The following LIN7A variants were observed in gnomAD, a reference collection of about 807,000 sequenced individuals.
LIN7A encodes protein lin-7 homolog A.
Under a neutral mutation model 29.8 loss-of-function variants are expected in LIN7A, and 25 were observed. That is an observed-to-expected ratio of 0.84 (90% CI 0.61 to 1.17). The LOEUF (loss-of-function observed/expected upper bound fraction) is 1.17. Among genes scored for constraint, LIN7A ranks in the 50% most tolerant of loss-of-function variants. The pLI, the probability that LIN7A is intolerant of heterozygous loss-of-function variation, is 0.00. For missense variants in LIN7A, 239 were observed against 287.0 expected (o/e 0.83, Z 1.21); for synonymous variants, 118 against 107.5 (o/e 1.10, Z -0.60).
chr12:80,904,484 C>T (rs777801891), intron 1 of LIN7A, among the ~76,000 whole-genome samples: 2 of 151,980 alleles, frequency 1.3e-5, no homozygotes, highest in Non-Finnish European at 2.9e-5. Context: ...CATGATAGTC[C>T]CTGTTACTAT....
At chr12:80,799,490 A>G (rs1456698183) in intron 5 of LIN7A, among the ~76,000 whole-genome samples, 1 of 152,212 alleles carries the variant, frequency 6.6e-6, no homozygotes, top group Admixed American at 6.5e-5. Context: ...TAAGAAGCCT[A>G]TGTTAAAATA....
chr12:80,935,788 G>T, intron 1 of LIN7A: 1 of 509,624 alleles, frequency 2.0e-6, no homozygotes, highest in Non-Finnish European at 4.2e-6. Context: ...CTGCATGTAC[G>T]TAATTACACT....
At chr12:80,843,398 G>T (rs1035067664) in intron 4 of LIN7A, among the ~76,000 whole-genome samples, 5 of 152,124 alleles carry the variant, frequency 3.3e-5, no homozygotes, top group African/African-American at 1.2e-4. Flanking sequence ...CTAAGGTTAT[G>T]ATTAGAACAC....
In LIN7A at chr12:80,796,163, A is replaced by G. The variant is rs1870440104; in HGVS notation, c.*1564T>C. 1 of 152,130 alleles carries G rather than the reference A, an allele frequency of 6.6e-6. No individual in the cohort carries two copies. 9.4% of individuals were successfully genotyped at this position (152,130 alleles called of 1,614,324 possible). A position where few individuals can be genotyped will look rare whatever the true frequency, so the allele number is the denominator to read the frequency against. ...TCTAAACTGAGCTTCATACATTTCT[A>G]TTTTGGGGGATTATCTGAAGTGTCA... On this transcript the variant is annotated 3_prime_UTR_variant, in exon 6 of 6. Coordinates refer to ENST00000552864, the MANE Select transcript of LIN7A (RefSeq NM_004664.4).
chr12:80,928,621 ATT>A (rs1335194769), intron 1 of LIN7A, among the ~76,000 whole-genome samples: 1 of 151,758 alleles, frequency 6.6e-6, no homozygotes, highest in Non-Finnish European at 1.5e-5. Flanking sequence ...GATTGCAAAA[ATT>A]TTCTCCCATT....
At chr12:80,907,600 C>A (rs978260780) in intron 1 of LIN7A, among the ~76,000 whole-genome samples, 2 of 152,062 alleles carry the variant, frequency 1.3e-5, no homozygotes, top group African/African-American at 4.8e-5. Context: ...AGAATAAATG[C>A]TCTGCCTAAA....
At chr12:80,880,788 GACACAC>G (rs150440166) in intron 2 of LIN7A, among the ~76,000 whole-genome samples, 1 of 122,444 alleles carries the variant, frequency 8.2e-6, no homozygotes, top group Non-Finnish European at 1.9e-5. Context: ...CACACACACA[GACACAC>G]ACACACACAT....
At chr12:80,932,320 A>G (rs1297296161) in intron 1 of LIN7A, among the ~76,000 whole-genome samples, 1 of 152,252 alleles carries the variant, frequency 6.6e-6, no homozygotes, top group East Asian at 1.9e-4. Context: ...TTGGTTTTAT[A>G]GCAGATTTTT....
At chr12:80,923,960 A>G (rs568668466) in intron 1 of LIN7A, among the ~76,000 whole-genome samples, 1 of 152,340 alleles carries the variant, frequency 6.6e-6, no homozygotes, top group African/African-American at 2.4e-5. Context: ...TTATAAGTTT[A>G]TTGTGAAGAT....
chr12:80,898,453 C>T (rs989805093), intron 1 of LIN7A, among the ~76,000 whole-genome samples: 1 of 151,790 alleles, frequency 6.6e-6, no homozygotes, highest in African/African-American at 2.4e-5. Context: ...TTTAGCATTG[C>T]CTTGGCTATT....
At chr12:80,877,643 G>C (rs147623497) in intron 2 of LIN7A, among the ~76,000 whole-genome samples, 108 of 152,200 alleles carry the variant, frequency 7.1e-4, no homozygotes, top group African/African-American at 2.5e-3. Context: ...GAAAGGAAGA[G>C]AGTAAGCTAG....
intron 2 of LIN7A, among the ~76,000 whole-genome samples, chr12:80,880,514 T>C (rs962065528): frequency 1.3e-5 from 2 of 152,226 alleles, no homozygotes; most frequent in Non-Finnish European, 2.9e-5. Context: ...TGTGAAATTA[T>C]TTTAACAGAG....
chr12:80,814,230 A>T (rs1565887160), intron 4 of LIN7A, among the ~76,000 whole-genome samples: 1 of 152,174 alleles, frequency 6.6e-6, no homozygotes, highest in East Asian at 1.9e-4. Flanking sequence ...ACATGAAAGG[A>T]AGGTAAACTT....
Position 80,797,161 on chromosome 12 carries a change from C to T in LIN7A, c.*566G>A, listed in dbSNP as rs1264679932. On this transcript the variant is annotated 3_prime_UTR_variant, in exon 6 of 6. Coordinates refer to ENST00000552864, the MANE Select transcript of LIN7A (RefSeq NM_004664.4). ...AAGAAAAAGCCGATTGCTTCTAGAA[C>T]CTGAAGAAAATATAAATATAGTATG... 2 of 151,904 alleles carry T rather than the reference C, an allele frequency of 1.3e-5. No homozygotes were observed. Among genetic ancestry groups the T allele is most frequent in the Non-Finnish European group, 2.9e-5 (2 of 67,976 alleles). The allele number at this position is 151,904 out of a possible 1,614,324, so 9.4% of individuals were successfully genotyped here.
In LIN7A at chr12:80,877,121, CA is replaced by C. The variant is rs55779514; in HGVS notation, c.201+12129del. Among the ~76,000 whole-genome samples the C allele has an allele frequency of 1.6e-3, 168 of 106,496 alleles. 1 individual carries two copies. The highest frequency in any genetic ancestry group is 0.011 in the Middle Eastern group (2 of 186). The allele number at this position is 106,496 out of a possible 152,430, so 69.9% of individuals were successfully genotyped here. ...TAGCCAACAGAGAGAGACTCTGTCT[CA>C]AAAAAAAAAAAAAAAAGTTAAATAT... On this transcript the variant is annotated intron_variant, in intron 2 of 5. Coordinates refer to ENST00000552864, the MANE Select transcript of LIN7A (RefSeq NM_004664.4).
intron 5 of LIN7A, among the ~76,000 whole-genome samples, chr12:80,809,099 C>T (rs1871171822): frequency 6.6e-6 from 1 of 151,946 alleles, no homozygotes; most frequent in South Asian, 2.1e-4. Flanking sequence ...AATTCTCCTG[C>T]CTCAGCCTCC....
intron 2 of LIN7A, among the ~76,000 whole-genome samples, chr12:80,876,029 G>T (rs1021844654): frequency 6.6e-6 from 1 of 151,274 alleles, no homozygotes; most frequent in Non-Finnish European, 1.5e-5. Flanking sequence ...TTATCCGTGA[G>T]TTCCTTGGTT....
intron 2 of LIN7A, among the ~76,000 whole-genome samples, chr12:80,869,777 G>C (rs1403411826): frequency 6.7e-6 from 1 of 148,930 alleles, no homozygotes; most frequent in Non-Finnish European, 1.5e-5. Context: ...TTTGCAAATA[G>C]TCTTCTTTTT....
At chr12:80,834,680 A>C (rs947417441) in intron 4 of LIN7A, among the ~76,000 whole-genome samples, 1 of 152,202 alleles carries the variant, frequency 6.6e-6, no homozygotes, top group Non-Finnish European at 1.5e-5. Context: ...ATTTGAGTTA[A>C]AGTTTGGTTA....
Sources: gnomAD v4.1 joint callset for allele counts (sites outside exome capture counted in the v4.1 genomes callset) on GRCh38, gnomAD v4.1.1 for gene constraint, MANE v1.5 for transcripts, NCBI Gene and HGNC (gene_info 2026-07-23, HGNC 2026-07-21) for gene names.